Variants in SMCO1 observed in about 807,000 individuals in gnomAD.
The protein encoded by SMCO1 is single-pass membrane and coiled-coil domain-containing protein 1.
In SMCO1, 9 loss-of-function variants were observed where a neutral mutation model predicts 7.5. The ratio of observed to expected loss-of-function variants is 1.20; its 90% CI spans 0.72 to 2.09. The LOEUF is 2.09. Among genes scored for constraint, SMCO1 ranks in the 30% most tolerant of loss-of-function variants. SMCO1 has a pLI of 0.00. For missense variants in SMCO1, 219 were observed against 253.1 expected, an observed-to-expected ratio of 0.87 and a Z score of 0.91; for synonymous variants, 90 against 93.8, an observed-to-expected ratio of 0.96 and a Z score of 0.23.
At chr3:196,509,765 A>G in intron 1 of SMCO1, 96 bp from the exon 2 acceptor site, 2 of 1,057,224 alleles carry the variant, frequency 1.9e-6, no homozygotes, top group Non-Finnish European at 2.6e-6. Context: ...TACAACCATT[A>G]CCAAATTTGG....
intron 1 of SMCO1, among the ~76,000 whole-genome samples, chr3:196,514,891 G>A (rs764400494): frequency 1.3e-5 from 2 of 152,050 alleles, no homozygotes; most frequent in Non-Finnish European, 1.5e-5. Context: ...ACAGGCGCCC[G>A]CCACCATGCC....
chr3:196,519,561 TTC>T, upstream of SMCO1, among the ~76,000 whole-genome samples: 1 of 152,250 alleles, frequency 6.6e-6, no homozygotes, highest in South Asian at 2.1e-4. Flanking sequence ...AAGGCACCTA[TTC>T]TGTCTCCAAT....
chr3:196,516,087 TA>T (rs945588628), upstream of SMCO1, among the ~76,000 whole-genome samples: 5 of 141,630 alleles, frequency 3.5e-5, no homozygotes, highest in African/African-American at 1.3e-4. Context: ...ATATCGTATA[TA>T]AAATATATAT....
At chr3:196,513,627 C>CAAAAAA (rs63105160) in intron 1 of SMCO1, among the ~76,000 whole-genome samples, 1 of 93,776 alleles carries the variant, frequency 1.1e-5, no homozygotes, top group Non-Finnish European at 2.0e-5. Context: ...GACTCTGTCT[C>CAAAAAA]AAAAAAAAAA....
chr3:196,516,604 A>T (rs7652540), upstream of SMCO1, among the ~76,000 whole-genome samples: 1 of 152,176 alleles, frequency 6.6e-6, no homozygotes, highest in Non-Finnish European at 1.5e-5. Context: ...TGAGCATCAT[A>T]GATATTAATT....
chr3:196,518,014 G>A (rs1351447693), upstream of SMCO1, among the ~76,000 whole-genome samples: 1 of 152,226 alleles, frequency 6.6e-6, no homozygotes, highest in African/African-American at 2.4e-5. Context: ...AAATGCTGGT[G>A]GCTAAGAGCC....
intron 1 of SMCO1, among the ~76,000 whole-genome samples, chr3:196,511,835 G>A (rs540862374): frequency 8.1e-6 from 1 of 123,628 alleles, no homozygotes; most frequent in Non-Finnish European, 1.6e-5. Context: ...CTAGATTGTT[G>A]TTATGAGGGA....
chr3:196,508,668 T>TG (rs113438243), intron 2 of SMCO1, among the ~76,000 whole-genome samples: 150,361 of 150,368 alleles, frequency 1, 75,177 homozygotes, highest in Non-Finnish European at 1. Flanking sequence ...CTGGGCGTGG[T>TG]GCTCACGCCT....
intron 1 of SMCO1, among the ~76,000 whole-genome samples, chr3:196,513,455 C>T (rs140045923): frequency 6.6e-6 from 1 of 151,884 alleles, no homozygotes; most frequent in Non-Finnish European, 1.5e-5. Context: ...ATGGTAAAAC[C>T]CCTTCTTTAC....
intron 2 of SMCO1, 140 bp from the exon 3 acceptor site, chr3:196,508,471 T>G (rs2108660472): frequency 1.4e-6 from 1 of 701,050 alleles, no homozygotes; most frequent in Non-Finnish European, 2.2e-6. Context: ...ACTTTAGAAT[T>G]TAAATTCAAA....
chr3:196,509,738 G>T, intron 1 of SMCO1, 69 bp from the exon 2 acceptor site: 1 of 1,352,744 alleles, frequency 7.4e-7, no homozygotes, highest in Non-Finnish European at 1.0e-6. Context: ...TTTAAGCTGA[G>T]GCTCTAATAC....
At chr3:196,517,444 A>C (rs1211909534), upstream of SMCO1, among the ~76,000 whole-genome samples, 3 of 152,100 alleles carry the variant, frequency 2.0e-5, no homozygotes, top group Non-Finnish European at 2.9e-5. Context: ...GTTCCATAAA[A>C]ATTCTTGGAC....
Position 196,515,217 on chromosome 3 carries a change from A to G in SMCO1, c.-8T>C. ...TGTGGTTTCATTGTTCATCTTCTGA[A>G]GGCAAAAGGAAAGAAAACAAAAACA... On this transcript the variant is annotated 5_prime_UTR_variant, in exon 1 of 3. Coordinates refer to ENST00000397537, the MANE Select transcript of SMCO1 (RefSeq NM_001077657.3). 6.2e-7 allele frequency: 1 copy of G among 1,600,768 alleles called. No individual in the cohort carries two copies.
At chr3:196,510,180 C>A (rs561804398) in intron 1 of SMCO1, among the ~76,000 whole-genome samples, 57 of 152,186 alleles carry the variant, frequency 3.7e-4, no homozygotes, top group African/African-American at 1.3e-3. Context: ...CTATGTTTGG[C>A]TGGTCTTCAA....
At chr3:196,517,393 C>T (rs1733413633), upstream of SMCO1, among the ~76,000 whole-genome samples, 1 of 152,062 alleles carries the variant, frequency 6.6e-6, no homozygotes, top group African/African-American at 2.4e-5. Context: ...AGCCCCCACC[C>T]ACCAACCTCT....
intron 2 of SMCO1, 99 bp downstream of exon 2, chr3:196,509,421 T>C: frequency 4.9e-6 from 5 of 1,019,142 alleles, no homozygotes; most frequent in Non-Finnish European, 5.7e-6. Context: ...TGCTTTACAA[T>C]CCATTGTGGG....
At chr3:196,511,233 C>T (rs952272151) in intron 1 of SMCO1, among the ~76,000 whole-genome samples, 1 of 138,520 alleles carries the variant, frequency 7.2e-6, no homozygotes, top group Non-Finnish European at 1.5e-5. Flanking sequence ...CCTGAGCCAC[C>T]TAGATTGTCC....
chr3:196,508,742 G>C (rs554326947), intron 2 of SMCO1, among the ~76,000 whole-genome samples: 7 of 151,130 alleles, frequency 4.6e-5, no homozygotes, highest in Admixed American at 4.6e-4. Flanking sequence ...TTTGAGACCA[G>C]CCTGGCCAAC....
upstream of SMCO1, among the ~76,000 whole-genome samples, chr3:196,519,523 A>G (rs934633090): frequency 6.6e-6 from 1 of 152,228 alleles, no homozygotes; most frequent in Admixed American, 6.5e-5. Flanking sequence ...TCGGCAGGAA[A>G]ATCGCCATTA....
Sources: gnomAD v4.1 joint callset for allele counts (sites outside exome capture counted in the v4.1 genomes callset) on GRCh38, gnomAD v4.1.1 for gene constraint, MANE v1.5 for transcripts, NCBI Gene and HGNC (gene_info 2026-07-23, HGNC 2026-07-21) for gene names.